Variants in SLC60A1 observed in about 807,000 individuals in gnomAD.
SLC60A1 encodes major facilitator superfamily domain containing 4.
the SLC60A1 span, chr1:205,584,774 C>G: frequency 1.0e-6 from 1 of 993,734 alleles, no homozygotes; most frequent in Non-Finnish European, 1.6e-6. Context: ...AAGTGGGCCC[C>G]ATCCTGCAGG....
the SLC60A1 span, among the ~76,000 whole-genome samples, chr1:205,586,709 T>G: frequency 6.6e-6 from 1 of 151,914 alleles, no homozygotes; most frequent in East Asian, 1.9e-4. Context: ...CTTTTTTTTT[T>G]TTTTTGAGAT....
At chr1:205,582,880 C>G in the SLC60A1 span, among the ~76,000 whole-genome samples, 1 of 152,190 alleles carries the variant, frequency 6.6e-6, no homozygotes, top group African/African-American at 2.4e-5. Flanking sequence ...TGGTGAGAGC[C>G]AGCCTGCCTC....
the SLC60A1 span, among the ~76,000 whole-genome samples, chr1:205,570,973 G>T: frequency 6.6e-6 from 1 of 152,186 alleles, no homozygotes; most frequent in South Asian, 2.1e-4. Flanking sequence ...TCTCTTCCTG[G>T]GTAGTTTTGT....
chr1:205,575,377 G>C, the SLC60A1 span, among the ~76,000 whole-genome samples: 1 of 152,130 alleles, frequency 6.6e-6, no homozygotes, highest in Non-Finnish European at 1.5e-5. Context: ...AGAGAATGTC[G>C]ATGCCATCAG....
the SLC60A1 span, chr1:205,602,917 TA>T: frequency 4.6e-5 from 7 of 152,174 alleles, no homozygotes; most frequent in African/African-American, 9.7e-5. Flanking sequence ...TATTTAAACT[TA>T]TTAAGTGTGT....
At chr1:205,569,088 G>A in the SLC60A1 span, 10 of 1,496,930 alleles carry the variant, frequency 6.7e-6, no homozygotes, top group Middle Eastern at 1.9e-4. Context: ...CGACGGCCGC[G>A]TGTCGGGGCT....
At chr1:205,592,155 A>G in the SLC60A1 span, 4 of 1,614,096 alleles carry the variant, frequency 2.5e-6, no homozygotes, top group South Asian at 3.3e-5. Flanking sequence ...CGTGGTGGTG[A>G]CGTTCCTGGT....
chr1:205,592,875 A>G, the SLC60A1 span, among the ~76,000 whole-genome samples: 71 of 152,370 alleles, frequency 4.7e-4, 1 homozygote, highest in East Asian at 0.011. Context: ...GCAAAGATGC[A>G]CAGGAGAAGT....
chr1:205,572,096 G>A, the SLC60A1 span, among the ~76,000 whole-genome samples: 1 of 152,190 alleles, frequency 6.6e-6, no homozygotes, highest in African/African-American at 2.4e-5. Flanking sequence ...CTTGGCTATT[G>A]GAGTGGGTGC....
chr1:205,574,020 G>A, the SLC60A1 span, among the ~76,000 whole-genome samples: 1 of 152,116 alleles, frequency 6.6e-6, no homozygotes, highest in Non-Finnish European at 1.5e-5. Flanking sequence ...TCTTTTTGGG[G>A]TGACAGAAAT....
At chr1:205,571,937 A>T in the SLC60A1 span, among the ~76,000 whole-genome samples, 1 of 151,854 alleles carries the variant, frequency 6.6e-6, no homozygotes, top group Non-Finnish European at 1.5e-5. Context: ...CACATGGGAG[A>T]GGATAGTTGG....
At chr1:205,577,623 ACTC>A in the SLC60A1 span, among the ~76,000 whole-genome samples, 1 of 151,236 alleles carries the variant, frequency 6.6e-6, no homozygotes, top group African/African-American at 2.4e-5. This position sits in a 1 kb window ranked among gnomAD's most constrained non-coding sequence, Gnocchi z 5.2. Context: ...CTCGGCTGGC[ACTC>A]CCCTCTCCAG....
At chr1:205,592,141 T>C in the SLC60A1 span, 32 of 1,613,814 alleles carry the variant, frequency 2.0e-5, no homozygotes, top group Admixed American at 3.2e-4. Context: ...CCGCGACAGG[T>C]TGGCGTGGTG....
chr1:205,601,102 C>A, the SLC60A1 span: 2 of 152,220 alleles, frequency 1.3e-5, no homozygotes. Flanking sequence ...TTCATTTTGA[C>A]AGCTGGTTAT....
the SLC60A1 span, chr1:205,599,302 C>A: frequency 4.4e-6 from 7 of 1,604,796 alleles, no homozygotes; most frequent in Middle Eastern, 5.1e-4. Context: ...GAGCCGGGGT[C>A]GGGGAGCGGG....
chr1:205,597,977 G>GC, the SLC60A1 span: 1 of 972,234 alleles, frequency 1.0e-6, no homozygotes, highest in Non-Finnish European at 1.6e-6. Context: ...AAGCCAGCAG[G>GC]GCCCCCTGTG....
the SLC60A1 span, among the ~76,000 whole-genome samples, chr1:205,592,749 GAGA>G: frequency 2.6e-5 from 4 of 152,124 alleles, no homozygotes; most frequent in Non-Finnish European, 5.9e-5. Flanking sequence ...TTAGGCCGCA[GAGA>G]AGCAGTTAAG....
chr1:205,584,153 C>CA, the SLC60A1 span: 1 of 1,604,998 alleles, frequency 6.2e-7, no homozygotes, highest in Non-Finnish European at 8.5e-7. Flanking sequence ...TGCATCCTCA[C>CA]AGCCTCATGT....
chr1:205,594,338 G>A, the SLC60A1 span, among the ~76,000 whole-genome samples: 1 of 152,124 alleles, frequency 6.6e-6, no homozygotes, highest in African/African-American at 2.4e-5. Flanking sequence ...AGTTTTAAGT[G>A]ATCAACACAT....
Sources: gnomAD v4.1 joint callset for allele counts (sites outside exome capture counted in the v4.1 genomes callset) on GRCh38, gnomAD v4.1.1 for gene constraint, Gnocchi (gnomAD v3.1) non-coding constraint, MANE v1.5 for transcripts, NCBI Gene and HGNC (gene_info 2026-07-23, HGNC 2026-07-21) for gene names.